Variants in CNGB1 observed in about 807,000 individuals in gnomAD.
The protein encoded by CNGB1 is cyclic nucleotide-gated channel beta-1.
In CNGB1, 126 loss-of-function variants were observed where a neutral mutation model predicts 151.7. That is an observed-to-expected ratio of 0.83 (90% CI 0.72 to 0.96). The LOEUF is 0.96. Among genes scored for constraint, CNGB1 ranks in the 40% least tolerant of loss-of-function variants. The pLI is 0.00. For synonymous variants in CNGB1, 623 were observed against 635.1 expected (o/e 0.98, Z 0.29); for missense variants, 1,698 against 1,627.0 (o/e 1.04, Z -0.75).
At position 57,958,627 on chromosome 16, in the gene CNGB1, C is replaced by G. The variant is rs1171675755; in HGVS notation, c.762-142G>C. 3 of 700,814 alleles carry G rather than the reference C, an allele frequency of 4.3e-6. No homozygotes were observed. The East Asian group carries it at 8.2e-5, about 19-fold the overall frequency. The allele number at this position is 700,814 out of a possible 1,614,324, so 43.4% of individuals were successfully genotyped here. A position where few individuals can be genotyped will look rare whatever the true frequency, so the allele number is the denominator to read the frequency against. On this transcript the variant is annotated intron_variant, in intron 10 of 32. Coordinates refer to ENST00000251102, the MANE Select transcript of CNGB1 (RefSeq NM_001297.5). ...GGAGCCAGAGCCCAGGTCTCCAGCC[C>G]TGAAGACCATTCTCCCCCCTCTCCA...
chr16:57,965,988 C>A (rs770713047), intron 2 of CNGB1, among the ~76,000 whole-genome samples: 1 of 152,174 alleles, frequency 6.6e-6, no homozygotes, highest in Non-Finnish European at 1.5e-5. Context: ...TACGCACACC[C>A]TATACCTGTT....
At chr16:57,942,028 TGTTTGGTTTGGTTTG>T (rs144771179) in intron 14 of CNGB1, among the ~76,000 whole-genome samples, 1 of 151,944 alleles carries the variant, frequency 6.6e-6, no homozygotes, top group South Asian at 2.1e-4. Context: ...TTTTTGTTTT[TGTTTGGTTTGGTTTG>T]GTTTGGTTTG....
chr16:57,946,565 T>G (rs951588631), intron 14 of CNGB1: 1 of 152,130 alleles, frequency 6.6e-6, no homozygotes, highest in African/African-American at 2.4e-5. Context: ...TGAGGAGATG[T>G]GCAGGGAATG....
intron 31 of CNGB1, among the ~76,000 whole-genome samples, chr16:57,896,691 C>T (rs1340932184): frequency 3.3e-5 from 5 of 149,426 alleles, no homozygotes; most frequent in Non-Finnish European, 5.9e-5. Context: ...CCAGCCTGGG[C>T]GACAGAGCAA....
At chr16:57,933,879 C>G (rs547302729) in intron 16 of CNGB1, among the ~76,000 whole-genome samples, 1 of 151,898 alleles carries the variant, frequency 6.6e-6, no homozygotes. Context: ...CCTGCCACCA[C>G]GCCTGGCTAA....
At chr16:57,888,159 A>G in intron 31 of CNGB1, 85 bp from the exon 32 acceptor site, 6 of 1,397,818 alleles carry the variant, frequency 4.3e-6, no homozygotes, top group South Asian at 1.2e-5. Context: ...TTTAAGCTGG[A>G]GCTGTGTAGT....
intron 27 of CNGB1, among the ~76,000 whole-genome samples, chr16:57,903,480 A>C (rs139563199): frequency 6.6e-6 from 1 of 152,102 alleles, no homozygotes; most frequent in Non-Finnish European, 1.5e-5. Flanking sequence ...TGACAGAACG[A>C]GACTCCATGT....
chr16:57,895,015 C>G (rs1341588474), intron 31 of CNGB1, among the ~76,000 whole-genome samples: 1 of 151,024 alleles, frequency 6.6e-6, no homozygotes, highest in East Asian at 1.9e-4. Flanking sequence ...GCATCCAGTA[C>G]TGAACTCTAC....
At position 57,957,294 on chromosome 16, in the gene CNGB1, CA is replaced by C. The variant is rs1360940800; in HGVS notation, c.874+46del. 8 of 1,587,192 alleles carry C rather than the reference CA, an allele frequency of 5.0e-6. No individual in the cohort carries two copies. The South Asian group carries it at 8.8e-5, about 18-fold the overall frequency. ...TACAGTCAGACCCAAGGACACCAAG[CA>C]ACCCTTCCTAATATGTACATGGGGA... is the stretch of plus-strand genomic sequence containing the variant. On this transcript the variant is annotated intron_variant, in intron 12 of 32. Transcript: ENST00000251102.
intron 1 of CNGB1, among the ~76,000 whole-genome samples, chr16:57,969,510 C>T (rs781021186): frequency 1.2e-4 from 18 of 152,004 alleles, no homozygotes; most frequent in East Asian, 7.8e-4. Flanking sequence ...ACCAGTTACT[C>T]GGGAGGCTGA....
intron 17 of CNGB1, among the ~76,000 whole-genome samples, chr16:57,926,560 C>T (rs1164801014): frequency 6.6e-6 from 1 of 152,348 alleles, no homozygotes; most frequent in East Asian, 1.9e-4. Context: ...TTCATGGATT[C>T]ACTTTTTTCA....
chr16:57,900,205 A>G (rs2149356779), intron 29 of CNGB1, among the ~76,000 whole-genome samples: 1 of 152,346 alleles, frequency 6.6e-6, no homozygotes, highest in East Asian at 1.9e-4. Context: ...CTCCAGTGTC[A>G]GGCAGGCCAC....
chr16:57,919,016 T>A, intron 20 of CNGB1, 83 bp downstream of exon 20: 1 of 1,598,042 alleles, frequency 6.3e-7, no homozygotes, highest in Non-Finnish European at 8.5e-7. Context: ...ACCTCTTGAA[T>A]CCCCTGACCC....
Position 57,963,013 on chromosome 16 carries a change from G to A in CNGB1, c.342C>T (p.Ile114=). 1 of 1,613,482 alleles carries A rather than the reference G, an allele frequency of 6.2e-7. No individual in the cohort carries two copies. The highest frequency in any genetic ancestry group is 8.5e-7 in the Non-Finnish European group (1 of 1,179,984). ...CCGTGATGCTGTGAACAGGCTGCGG[G>A]ATCACCTTCTCTACGCCCTTCATGA... is the stretch of plus-strand genomic sequence containing the variant. ...TWLMKGVEKV[I]PQPVHSITED... The change falls in exon 5 of 33, where the codon ATC becomes ATT. Residue 114 remains isoleucine (I), a synonymous_variant. Coordinates refer to ENST00000251102, the MANE Select transcript of CNGB1 (RefSeq NM_001297.5).
intron 11 of CNGB1, among the ~76,000 whole-genome samples, chr16:57,957,642 G>A (rs1368148989): frequency 1.3e-5 from 2 of 152,256 alleles, no homozygotes; most frequent in Admixed American, 1.3e-4. Flanking sequence ...CCTGCTCAGA[G>A]GAGCCAGGCC....
At position 57,936,799 on chromosome 16, in the gene CNGB1, C is replaced by CAAA. The variant is rs11400925; in HGVS notation, c.1372+2628_1372+2630dup. On this transcript the variant is annotated intron_variant, in intron 16 of 32. Coordinates refer to ENST00000251102, the MANE Select transcript of CNGB1 (RefSeq NM_001297.5). ...GACTCTGTCTCAAAAAACAAACAAA[C>CAAA]AAAAAAAAAACAAAAGAAAAGAGAG... Among the ~76,000 whole-genome samples, 94 of 128,772 alleles carry CAAA rather than the reference C, an allele frequency of 7.3e-4. 1 individual carries two copies. The highest frequency in any genetic ancestry group is 3.7e-3 in the Middle Eastern group (1 of 270). 84.5% of individuals were successfully genotyped at this position (128,772 alleles called of 152,430 possible).
intron 25 of CNGB1, among the ~76,000 whole-genome samples, chr16:57,909,906 T>G (rs1960661400): frequency 1.3e-5 from 2 of 152,192 alleles, no homozygotes; most frequent in African/African-American, 4.8e-5. Flanking sequence ...ACCTCAGCTG[T>G]AAAATGGGAA....
intron 11 of CNGB1, 81 bp from the exon 12 acceptor site, chr16:57,957,458 G>C: frequency 1.6e-6 from 2 of 1,288,730 alleles, no homozygotes; most frequent in South Asian, 1.2e-5. Flanking sequence ...CTTCTAGCAC[G>C]TGACCTTGAC....
At chr16:57,968,059 T>C (rs1279072768) in intron 1 of CNGB1, among the ~76,000 whole-genome samples, 2 of 152,206 alleles carry the variant, frequency 1.3e-5, no homozygotes, top group Non-Finnish European at 2.9e-5. Flanking sequence ...CTAATTGAGC[T>C]AGCAAGAAGA....
Sources: allele counts gnomAD v4.1 joint callset (sites outside exome capture counted in the v4.1 genomes callset), GRCh38; gene constraint gnomAD v4.1.1; transcripts MANE v1.5; gene names NCBI Gene and HGNC (gene_info 2026-07-23, HGNC 2026-07-21).